Variants in NWD2 observed in about 807,000 individuals in gnomAD.
NWD2 encodes the protein NACHT and WD repeat domain-containing protein 2.
NWD2 carries 37 observed loss-of-function variants against 132.7 expected under a neutral mutation model. The observed-to-expected ratio is 0.28, with a 90% CI of 0.21 to 0.37. NWD2 has a LOEUF of 0.37. NWD2 is among the 10% of genes least tolerant of loss of function. The pLI is 1.00. For synonymous variants in NWD2, 705 were observed against 803.0 expected (o/e 0.88, Z 2.06); for missense variants, 1,592 against 2,122.4 (o/e 0.75, Z 4.91).
Position 37,245,134 on chromosome 4 carries a change from T to G in NWD2, c.67T>G (p.Phe23Val), listed in dbSNP as rs976819052. 4.5e-6 allele frequency: 7 copies of G among 1,547,782 alleles called. No homozygotes were observed. The highest frequency in any genetic ancestry group is 6.1e-6 in the Non-Finnish European group (7 of 1,146,580). ...PRDSALRRAA[F>V]SGNLTALPSH... The stretch of plus-strand genomic sequence containing the variant: ...AGACTCTGCGCTCCGGCGGGCGGCT[T>G]TCTCTGGGAACCTCACGGCCCTGCC... The change falls in exon 1 of 7, where the codon TTC becomes GTC. Residue 23 changes from phenylalanine (F) to valine (V), a missense_variant. Phe to Val is a conservative substitution (Grantham distance 50). Coordinates refer to ENST00000309447, the MANE Select transcript of NWD2 (RefSeq NM_001144990.2).
chr4:37,360,029 C>T (rs1480115234), intron 3 of NWD2, among the ~76,000 whole-genome samples: 2 of 151,400 alleles, frequency 1.3e-5, no homozygotes, highest in East Asian at 3.9e-4. Flanking sequence ...TGGGAAGAGC[C>T]CAGAATTTTC....
At chr4:37,397,432 C>G (rs1720818975) in intron 3 of NWD2, among the ~76,000 whole-genome samples, 2 of 152,112 alleles carry the variant, frequency 1.3e-5, no homozygotes, top group African/African-American at 4.8e-5. Context: ...TGTGGATGGG[C>G]CTCATCCAAT....
intron 3 of NWD2, among the ~76,000 whole-genome samples, chr4:37,381,645 C>T (rs1720456929): frequency 6.6e-6 from 1 of 152,218 alleles, no homozygotes; most frequent in Non-Finnish European, 1.5e-5. Context: ...ACCAAAGCTA[C>T]TCTGCATCTA....
intron 1 of NWD2, among the ~76,000 whole-genome samples, chr4:37,275,572 A>C (rs1717993177): frequency 6.6e-6 from 1 of 152,170 alleles, no homozygotes; most frequent in South Asian, 2.1e-4. Flanking sequence ...ATTGGAAAAA[A>C]CTACTTTAAA....
Position 37,409,985 on chromosome 4 carries a change from T to A in NWD2, c.358-20587T>A, listed in dbSNP as rs537409725. ...AGATTTTGTCACCACCAGGCCTGCC[T>A]TACAAGAGCTCCTGAAGGAAGCACT... is the stretch of plus-strand genomic sequence containing the variant. On this transcript the variant is annotated intron_variant, in intron 3 of 6. Coordinates refer to ENST00000309447, the MANE Select transcript of NWD2 (RefSeq NM_001144990.2). Among the ~76,000 whole-genome samples, 5 of 152,230 alleles carry A rather than the reference T, an allele frequency of 3.3e-5. No individual in the cohort carries two copies. In the South Asian group the frequency reaches 1.0e-3, roughly 32 times the overall value.
At chr4:37,316,585 CT>C (rs1718963046) in intron 1 of NWD2, among the ~76,000 whole-genome samples, 1 of 151,918 alleles carries the variant, frequency 6.6e-6, no homozygotes, top group African/African-American at 2.4e-5. Context: ...TTATCTTCTC[CT>C]TCTGGGACTC....
At chr4:37,282,800 A>G (rs1560384633) in intron 1 of NWD2, among the ~76,000 whole-genome samples, 3 of 152,296 alleles carry the variant, frequency 2.0e-5, no homozygotes, top group Admixed American at 6.5e-5. Flanking sequence ...CATTTCCACA[A>G]TCATCAAAGT....
chr4:37,402,971 G>A (rs1239998463), intron 3 of NWD2, among the ~76,000 whole-genome samples: 1 of 152,116 alleles, frequency 6.6e-6, no homozygotes, highest in Non-Finnish European at 1.5e-5. Flanking sequence ...ATTACTAAGA[G>A]GTCCCAACCC....
intron 2 of NWD2, among the ~76,000 whole-genome samples, chr4:37,350,871 T>A (rs1719744928): frequency 6.6e-6 from 1 of 152,190 alleles, no homozygotes; most frequent in South Asian, 2.1e-4. Context: ...AATACCTAGT[T>A]TATTGAGTGT....
chr4:37,317,198 C>T (rs188827337), intron 1 of NWD2, among the ~76,000 whole-genome samples: 183 of 152,320 alleles, frequency 1.2e-3, no homozygotes, highest in African/African-American at 4.3e-3. Flanking sequence ...TACAGCTTCT[C>T]CACCAGGCCT....
Position 37,434,034 on chromosome 4 carries a change from AC to A in NWD2, c.706+16del. 3 of 1,523,526 alleles carry A rather than the reference AC, an allele frequency of 2.0e-6. No individual in the cohort carries two copies. The South Asian group carries it at 3.7e-5, about 19-fold the overall frequency. The allele number at this position is 1,523,526 out of a possible 1,614,324, so 94.4% of individuals were successfully genotyped here. A position where few individuals can be genotyped will look rare whatever the true frequency, so the allele number is the denominator to read the frequency against. On this transcript the variant is annotated intron_variant, in intron 5 of 6. Coordinates refer to ENST00000309447, the MANE Select transcript of NWD2 (RefSeq NM_001144990.2). ...ACCTGTTCTCAGGTAATTTTCCCAT[AC>A]CTTCAGTAAAATAAGAAATATATCA...
chr4:37,364,878 A>G (rs1310532168), intron 3 of NWD2, among the ~76,000 whole-genome samples: 1 of 152,172 alleles, frequency 6.6e-6, no homozygotes, highest in Middle Eastern at 3.2e-3. Context: ...CATATTTTAA[A>G]CCAAAAATAT....
intron 1 of NWD2, among the ~76,000 whole-genome samples, chr4:37,297,716 A>G (rs1718524799): frequency 6.6e-6 from 1 of 152,142 alleles, no homozygotes; most frequent in East Asian, 1.9e-4. Flanking sequence ...TAAGGACTAT[A>G]CATCAGTTAT....
chr4:37,281,704 T>C (rs1718133994), intron 1 of NWD2, among the ~76,000 whole-genome samples: 1 of 152,158 alleles, frequency 6.6e-6, no homozygotes, highest in Admixed American at 6.6e-5. Flanking sequence ...GTCGTGGAGA[T>C]GGTATTTGAG....
intron 2 of NWD2, among the ~76,000 whole-genome samples, chr4:37,338,355 C>T (rs571934087): frequency 1.3e-5 from 2 of 152,336 alleles, no homozygotes; most frequent in East Asian, 3.9e-4. Context: ...TGAAATTGCT[C>T]AGATGTCTTC....
intron 3 of NWD2, among the ~76,000 whole-genome samples, chr4:37,387,159 T>TCA: frequency 6.6e-6 from 1 of 152,098 alleles, no homozygotes; most frequent in Non-Finnish European, 1.5e-5. Flanking sequence ...CCAGTGGAAA[T>TCA]TAAGATGAGC....
intron 3 of NWD2, among the ~76,000 whole-genome samples, chr4:37,392,238 A>G (rs1720692410): frequency 6.6e-6 from 1 of 152,138 alleles, no homozygotes; most frequent in African/African-American, 2.4e-5. Context: ...ATAAAGGTAA[A>G]AGCAAACTCT....
At chr4:37,427,688 G>A (rs1712046482) in intron 3 of NWD2, among the ~76,000 whole-genome samples, 1 of 152,184 alleles carries the variant, frequency 6.6e-6, no homozygotes, top group Admixed American at 6.5e-5. Context: ...GAACAGCTAG[G>A]TTAGATCTAC....
chr4:37,314,621 T>C (rs1335772936), intron 1 of NWD2, among the ~76,000 whole-genome samples: 1 of 152,216 alleles, frequency 6.6e-6, no homozygotes, highest in Non-Finnish European at 1.5e-5. Flanking sequence ...TAGTGATGGC[T>C]CCTGTTTCAT....
Sources: gnomAD v4.1 joint callset for allele counts (sites outside exome capture counted in the v4.1 genomes callset) on GRCh38, gnomAD v4.1.1 for gene constraint, MANE v1.5 for transcripts, NCBI Gene and HGNC (gene_info 2026-07-23, HGNC 2026-07-21) for gene names.